The following ZNF521 variants were observed in gnomAD, a reference collection of about 807,000 sequenced individuals.
ZNF521 encodes zinc finger protein 521.
In ZNF521, 14 loss-of-function variants were observed where a neutral mutation model predicts 105.5. The observed-to-expected ratio is 0.13, with a 90% confidence interval of 0.09 to 0.21. The LOEUF (loss-of-function observed/expected upper bound fraction) is 0.21. Among genes scored for constraint, ZNF521 ranks in the 10% least tolerant of loss-of-function variants. The pLI, the probability that ZNF521 is intolerant of heterozygous loss-of-function variation, is 1.00. For missense variants in ZNF521, 1,233 were observed against 1,629.7 expected (o/e 0.76, Z 4.19); for synonymous variants, 635 against 606.0 (o/e 1.05, Z -0.70).
chr18:25,223,084 C>T (rs558678900), intron 4 of ZNF521, among the ~76,000 whole-genome samples: 6 of 152,298 alleles, frequency 3.9e-5, no homozygotes, highest in African/African-American at 1.4e-4. Context: ...ACTTGGAAAA[C>T]CCTCATTTCA....
chr18:25,118,950 T>A lies in ZNF521; in HGVS notation c.3659-26869A>T, dbSNP rs117283983. Among the ~76,000 whole-genome samples, 480 of 152,214 alleles carry A rather than the reference T, an allele frequency of 3.2e-3. 2 individuals carry two copies. Among genetic ancestry groups the A allele is most frequent in the Non-Finnish European group, 5.6e-3 (381 of 67,952 alleles). ...GAACAAATACATACTACGAATACAG[T>A]AAGCATGAGAATGCTAGAGGGGCTA... On this transcript the variant is annotated intron_variant, in intron 5 of 7. Transcript: ENST00000361524.
At chr18:25,295,703 G>T (rs1331538956) in intron 3 of ZNF521, among the ~76,000 whole-genome samples, 1 of 151,790 alleles carries the variant, frequency 6.6e-6, no homozygotes, top group Admixed American at 6.6e-5. Flanking sequence ...AGTTTATTCT[G>T]TGTACCAGAC....
chr18:25,337,236 G>GA (rs1380529210), intron 2 of ZNF521, among the ~76,000 whole-genome samples: 2 of 152,036 alleles, frequency 1.3e-5, no homozygotes, highest in African/African-American at 2.4e-5. Context: ...GAAAGATTAG[G>GA]AAAAAATCCT....
intron 5 of ZNF521, among the ~76,000 whole-genome samples, chr18:25,128,599 T>C (rs2034580293): frequency 6.6e-6 from 1 of 151,990 alleles, no homozygotes; most frequent in African/African-American, 2.4e-5. Flanking sequence ...TAATAAGCAA[T>C]TACAGCAATG....
chr18:25,224,312 G>T (rs750285536), intron 4 of ZNF521, 33 bp downstream of exon 4: 29 of 1,569,638 alleles, frequency 1.8e-5, no homozygotes, highest in Non-Finnish European at 2.4e-5. Flanking sequence ...TCTTGAGGAG[G>T]TTAAATAGCA....
At chr18:25,233,473 C>A (rs533996194) in intron 3 of ZNF521, among the ~76,000 whole-genome samples, 53 of 152,234 alleles carry the variant, frequency 3.5e-4, no homozygotes, top group Non-Finnish European at 7.6e-4. Flanking sequence ...TTATAATTCA[C>A]AGATGCTTTT....
chr18:25,254,636 TGA>T (rs1908351528), intron 3 of ZNF521, among the ~76,000 whole-genome samples: 1 of 152,096 alleles, frequency 6.6e-6, no homozygotes, highest in Admixed American at 6.6e-5. Context: ...TTTGAGTTCC[TGA>T]GATCTCCTAG....
intron 3 of ZNF521, among the ~76,000 whole-genome samples, chr18:25,252,162 A>G (rs1908166974): frequency 6.6e-6 from 1 of 152,140 alleles, no homozygotes; most frequent in Non-Finnish European, 1.5e-5. Flanking sequence ...TAATGTTCTT[A>G]CTAATACTGG....
intron 3 of ZNF521, among the ~76,000 whole-genome samples, chr18:25,297,877 C>A (rs915931342): frequency 6.6e-6 from 1 of 152,092 alleles, no homozygotes; most frequent in Non-Finnish European, 1.5e-5. Context: ...CCTTAGAAAT[C>A]CTAGTACAGA....
At chr18:25,299,373 T>C (rs1412494498) in intron 3 of ZNF521, among the ~76,000 whole-genome samples, 1 of 152,058 alleles carries the variant, frequency 6.6e-6, no homozygotes, top group African/African-American at 2.4e-5. Context: ...AGACAAAAAT[T>C]CTCCACAGAC....
rs1383653799 is a variant in ZNF521 at position 25,219,433 on chromosome 18, G to A, written c.3573+4912C>T. Among the ~76,000 whole-genome samples, 3 of 152,204 alleles carry A rather than the reference G, an allele frequency of 2.0e-5. No individual in the cohort carries two copies. In the East Asian group the frequency reaches 5.8e-4, roughly 29 times the overall value. ...AGAAAAGGTGCTGAGTTCTATTTGGGACCCACTGAGTTTGAAGTTCAAGGG... is the reference window on the plus strand; with the variant it reads ...AGAAAAGGTGCTGAGTTCTATTTGGAACCCACTGAGTTTGAAGTTCAAGGG... On this transcript the variant is annotated intron_variant, in intron 4 of 7. Coordinates refer to ENST00000361524, the MANE Select transcript of ZNF521 (RefSeq NM_015461.3).
In ZNF521 at chr18:25,226,989, T is replaced by A. The variant is rs767994488; in HGVS notation, c.929A>T (p.Asn310Ile). ...ACTCTCAGAACAAATGCTGCATGAG[T>A]TCTTCTTCTCCCCGCTATGCACCTG... Reference protein sequence around the residue: ...MEQVHSGEKKNSCSICSESFH... With the variant: ...MEQVHSGEKKISCSICSESFH... The change falls in exon 4 of 8, where the codon AAC becomes ATC. Residue 310 changes from asparagine (N) to isoleucine (I), a missense_variant. Coordinates refer to ENST00000361524, the MANE Select transcript of ZNF521 (RefSeq NM_015461.3). The surrounding 1 kb of genome is among the most constrained non-coding windows in gnomAD (Gnocchi z 4.1). The A allele has an allele frequency of 1.2e-6, 2 of 1,613,852 alleles. No homozygotes were observed. Among genetic ancestry groups the A allele is most frequent in the Non-Finnish European group, 1.7e-6 (2 of 1,179,968 alleles).
At chr18:25,277,816 A>C (rs1449651711) in intron 3 of ZNF521, among the ~76,000 whole-genome samples, 4 of 152,206 alleles carry the variant, frequency 2.6e-5, no homozygotes, top group African/African-American at 9.6e-5. Flanking sequence ...AAAGATGATG[A>C]GGCCTTAAGA....
intron 3 of ZNF521, among the ~76,000 whole-genome samples, chr18:25,303,173 A>C (rs2145076360): frequency 6.6e-6 from 1 of 152,186 alleles, no homozygotes; most frequent in East Asian, 1.9e-4. Flanking sequence ...ACCAAGAAAA[A>C]AGTCTTGGTG....
chr18:25,087,566 A>C (rs966127047), intron 7 of ZNF521, among the ~76,000 whole-genome samples: 3 of 152,246 alleles, frequency 2.0e-5, no homozygotes, highest in Admixed American at 1.3e-4. Flanking sequence ...TCTGCCTCAC[A>C]GTTTACATAC....
intron 4 of ZNF521, among the ~76,000 whole-genome samples, chr18:25,208,112 T>C (rs959201263): frequency 6.6e-6 from 1 of 152,220 alleles, no homozygotes; most frequent in African/African-American, 2.4e-5. Flanking sequence ...AATATCACTG[T>C]TGAATAGCCT....
intron 2 of ZNF521, among the ~76,000 whole-genome samples, chr18:25,330,381 G>C (rs1025468547): frequency 6.6e-6 from 1 of 151,654 alleles, no homozygotes; most frequent in Non-Finnish European, 1.5e-5. Context: ...GGCCAGGATG[G>C]TCTCGATCTC....
At chr18:25,190,649 C>A (rs73404945) in intron 5 of ZNF521, among the ~76,000 whole-genome samples, 3,205 of 152,180 alleles carry the variant, frequency 0.021, 133 homozygotes, top group African/African-American at 0.074. Context: ...CATAGTACAC[C>A]ACCCACTAAA....
intron 3 of ZNF521, among the ~76,000 whole-genome samples, chr18:25,244,881 A>T (rs185826942): frequency 1.7e-3 from 259 of 152,332 alleles, no homozygotes; most frequent in African/African-American, 6.0e-3. Context: ...CTGTTCTACC[A>T]ACCTTATATA....
Sources: allele counts gnomAD v4.1 joint callset (sites outside exome capture counted in the v4.1 genomes callset), GRCh38; gene constraint gnomAD v4.1.1; non-coding constraint Gnocchi (gnomAD v3.1); transcripts MANE v1.5; gene names NCBI Gene and HGNC (gene_info 2026-07-23, HGNC 2026-07-21).